The following ZNF835 variants were observed in gnomAD, a reference collection of about 807,000 sequenced individuals.
ZNF835 encodes zinc finger protein 835.
For missense variants in ZNF835, 783 were observed against 758.4 expected (o/e 1.03, Z -0.38); for synonymous variants, 323 against 324.7 (o/e 0.99, Z 0.06).
Position 56,664,134 on chromosome 19 carries a change from C to A in ZNF835, c.1065G>T (p.Thr355=). ...AGGGGTAAGGCCGCTCTCCGGTGTG[C>A]GTGCGCTGGTGCTGCGTCAGGTGCG... is the stretch of plus-strand genomic sequence containing the variant. ...QVSHLTQHQR[T]HTGERPYPCH... The change falls in exon 2 of 2, where the codon ACG becomes ACT. Residue 355 remains threonine, a synonymous_variant. Transcript: ENST00000537055. The A allele has an allele frequency of 1.2e-6, 2 of 1,610,848 alleles. No homozygotes were observed. The highest frequency in any genetic ancestry group is 2.2e-5 in the South Asian group (2 of 90,988).
chr19:56,666,777 G>A (rs1317880896), intron 1 of ZNF835, among the ~76,000 whole-genome samples: 1 of 152,182 alleles, frequency 6.6e-6, no homozygotes, highest in African/African-American at 2.4e-5. Context: ...CCTTATAAGA[G>A]GAGACACCAG....
chr19:56,663,891 G>A lies in ZNF835; in HGVS notation c.1308C>T (p.His436=), dbSNP rs763469804. Reference sequence around the variant, plus strand: ...GCCGCTCGCCCGTGTGCGTGCGCTGGTGCAGGGCGAGCGAGGAGCCCTGGC... The same window carrying A: ...GCCGCTCGCCCGTGTGCGTGCGCTGATGCAGGGCGAGCGAGGAGCCCTGGC... The part of the protein sequence containing the change: ...AFSQGSSLAL[H]QRTHTGERPY... The change falls in exon 2 of 2, where the codon CAC becomes CAT. Residue 436 remains histidine, a synonymous_variant. Coordinates refer to ENST00000537055, the MANE Select transcript of ZNF835 (RefSeq NM_001005850.3). 3.1e-6 allele frequency: 5 copies of A among 1,612,978 alleles called. No homozygotes were observed. Among genetic ancestry groups the A allele is most frequent in the South Asian group, 1.1e-5 (1 of 91,046 alleles).
At chr19:56,670,891 T>G (rs1030445384) in intron 1 of ZNF835, among the ~76,000 whole-genome samples, 4 of 152,234 alleles carry the variant, frequency 2.6e-5, no homozygotes, top group African/African-American at 9.6e-5. Flanking sequence ...AGGAGAACTT[T>G]CAGACTTGCC....
chr19:56,663,785 T>A lies in ZNF835; in HGVS notation c.1414A>T (p.Lys472Ter). ...CCGCAGCCGCTGCACTCGTAGGGCTTCTCCCCGGTGTGCACGATGTGGTGC... is the reference window on the plus strand; with the variant it reads ...CCGCAGCCGCTGCACTCGTAGGGCTACTCCCCGGTGTGCACGATGTGGTGC... ...IQHHIVHTGEKPYECSGCGKA... is the reference protein window; with the variant it reads ...IQHHIVHTGE The change falls in exon 2 of 2, where the codon AAG (lysine) becomes TAG (stop). Residue 472 changes from lysine (K) to a stop codon, truncating the protein, a stop_gained. Coordinates refer to ENST00000537055, the MANE Select transcript of ZNF835 (RefSeq NM_001005850.3). LOFTEE classifies it low-confidence loss of function (END_TRUNC). 6.2e-7 allele frequency: 1 copy of A among 1,613,876 alleles called. No individual in the cohort carries two copies. The highest frequency in any genetic ancestry group is 8.5e-7 in the Non-Finnish European group (1 of 1,179,898).
chr19:56,669,593 T>C (rs2045273665), intron 1 of ZNF835, among the ~76,000 whole-genome samples: 1 of 105,322 alleles, frequency 9.5e-6, no homozygotes, highest in Non-Finnish European at 1.9e-5. Context: ...CTATCAGGAG[T>C]CCTCCATTAG....
Position 56,663,704 on chromosome 19 carries a change from T to C in ZNF835, c.1495A>G (p.Ser499Gly). The change falls in exon 2 of 2, where the codon AGT becomes GGT. Residue 499 changes from serine (S) to glycine (G), a missense_variant. Ser to Gly is a moderately conservative substitution (Grantham distance 56). Transcript: ENST00000537055. ...GGAGCTGGGCAAAGGCGTCCCGAAC[T>C]GTCTGCATGCGTCCTCTGGTGTCGG... ...LIRHQRTHAD[S>G]SGRLCPAPTP... 6.2e-7 allele frequency: 1 copy of C among 1,614,008 alleles called. No homozygotes were observed.
Position 56,665,034 on chromosome 19 carries a change from A to G in ZNF835, c.165T>C (p.Asp55=). 6.2e-7 allele frequency: 1 copy of G among 1,614,044 alleles called. No individual in the cohort carries two copies. Among genetic ancestry groups the G allele is most frequent in the Non-Finnish European group, 8.5e-7 (1 of 1,179,900 alleles). ...DPAGDSMQER[D]EFSRIPRTIS... is the part of the protein sequence containing the mutation. ...TGGTTCTTGGGATTCGGCTGAATTCATCGCGTTCCTGCATGCTGTCCCCAG... is the reference window on the plus strand; with the variant it reads ...TGGTTCTTGGGATTCGGCTGAATTCGTCGCGTTCCTGCATGCTGTCCCCAG... Residue 55 remains aspartate (D), a synonymous_variant, in exon 2 of 2, where the codon GAT becomes GAC. Transcript: ENST00000537055.
chr19:56,665,147 A>C lies in ZNF835; in HGVS notation c.52T>G (p.Trp18Gly). 2 of 1,613,906 alleles carry C rather than the reference A, an allele frequency of 1.2e-6. No homozygotes were observed. The highest frequency in any genetic ancestry group is 1.7e-6 in the Non-Finnish European group (2 of 1,179,868). Reference sequence around the variant, plus strand: ...TCCTCAACCTGGCCCTCGTGTTTCCAGTTTCCTTCCAACTCTGCGCCCTGG... The same window carrying C: ...TCCTCAACCTGGCCCTCGTGTTTCCCGTTTCCTTCCAACTCTGCGCCCTGG... The part of the protein sequence containing the change: ...ALQGAELEGN[W>G]KHEGQVEDLQ... Residue 18 changes from tryptophan (W) to glycine (G), a missense_variant, in exon 2 of 2, where the codon TGG becomes GGG. Trp to Gly is a radical substitution (Grantham distance 184). Transcript: ENST00000537055.
In ZNF835 at chr19:56,663,411, C is replaced by T. The variant is rs1350514957; in HGVS notation, c.*174G>A. ...ATTTATAATTTTGCACCAGGAAGAC[C>T]GCAGGGGAGTCTGGCAGATGTGAGG... On this transcript the variant is annotated 3_prime_UTR_variant, in exon 2 of 2. Coordinates refer to ENST00000537055, the MANE Select transcript of ZNF835 (RefSeq NM_001005850.3). The T allele has an allele frequency of 1.1e-6, 1 of 884,346 alleles. No homozygotes were observed. Among genetic ancestry groups the T allele is most frequent in the Non-Finnish European group, 1.7e-6 (1 of 589,606 alleles). The allele number at this position is 884,346 out of a possible 1,614,324, so 54.8% of individuals were successfully genotyped here. A position where few individuals can be genotyped will look rare whatever the true frequency, so the allele number is the denominator to read the frequency against.
chr19:56,666,860 A>C (rs920604687), intron 1 of ZNF835, among the ~76,000 whole-genome samples: 1 of 152,106 alleles, frequency 6.6e-6, no homozygotes, highest in African/African-American at 2.4e-5. Context: ...GCCATCTGTA[A>C]ACCAGGAAGA....
chr19:56,664,099 C>A lies in ZNF835; in HGVS notation c.1100G>T (p.Cys367Phe), dbSNP rs1250167898. The stretch of plus-strand genomic sequence containing the variant: ...GGAGCGGTTGCTGAAGCGCTTGCCG[C>A]AGTCGTGGCAGGGGTAAGGCCGCTC... ...TGERPYPCHD[C>F]GKRFSNRSHL... The change falls in exon 2 of 2, where the codon TGC becomes TTC. Residue 367 changes from cysteine to phenylalanine, a missense_variant. Coordinates refer to ENST00000537055, the MANE Select transcript of ZNF835 (RefSeq NM_001005850.3). 1 of 1,599,868 alleles carries A rather than the reference C, an allele frequency of 6.3e-7. No homozygotes were observed. The highest frequency in any genetic ancestry group is 1.3e-5 in the African/African-American group (1 of 74,570).
intron 1 of ZNF835, among the ~76,000 whole-genome samples, chr19:56,667,810 C>T (rs1049684391): frequency 6.6e-6 from 1 of 152,128 alleles, no homozygotes; most frequent in South Asian, 2.1e-4. Context: ...AAAGAGGACC[C>T]AGAAGGCTCC....
Position 56,662,341 on chromosome 19 carries a change from C to T in ZNF835, c.*1244G>A, listed in dbSNP as rs2045192906. The T allele has an allele frequency of 1.3e-5, 2 of 152,190 alleles. No homozygotes were observed. The highest frequency in any genetic ancestry group is 2.4e-5 in the African/African-American group (1 of 41,438). 9.4% of individuals were successfully genotyped at this position (152,190 alleles called of 1,614,324 possible). On this transcript the variant is annotated 3_prime_UTR_variant, in exon 2 of 2. Transcript: ENST00000537055. ...AGAACCAGCAGCTGACCTCCAGATG[C>T]ATGAGAAATAGTAAATGGATAAATG...
chr19:56,666,593 AGCC>A (rs2045247812), intron 1 of ZNF835, among the ~76,000 whole-genome samples: 1 of 152,234 alleles, frequency 6.6e-6, no homozygotes. Context: ...TTATTGCTTC[AGCC>A]ACCTAATCTG....
Position 56,664,727 on chromosome 19 carries a change from G to T in ZNF835, c.472C>A (p.Arg158Ser). Reference sequence around the variant, plus strand: ...TAGGGCTTCTCGCCCGTGTGCGTGCGCTGGTGCAGGGTCAGGTGCACGCTC... The same window carrying T: ...TAGGGCTTCTCGCCCGTGTGCGTGCTCTGGTGCAGGGTCAGGTGCACGCTC... ...SQSVHLTLHQ[R>S]THTGEKPYAC... The change falls in exon 2 of 2, where the codon CGC (arginine) becomes AGC (serine). Residue 158 changes from arginine to serine, a missense_variant. By Grantham distance (110) the Arg-to-Ser change is moderately radical. Transcript: ENST00000537055. 6.2e-7 allele frequency: 1 copy of T among 1,611,508 alleles called. No homozygotes were observed. Among genetic ancestry groups the T allele is most frequent in the East Asian group, 2.2e-5 (1 of 44,768 alleles).
intron 1 of ZNF835, among the ~76,000 whole-genome samples, 163 bp downstream of exon 1, chr19:56,671,413 G>A (rs1019768431): frequency 1.3e-5 from 2 of 150,440 alleles, no homozygotes; most frequent in Non-Finnish European, 3.0e-5. Flanking sequence ...TGGTACCGTC[G>A]AGTGACCAGG....
chr19:56,670,866 A>C (rs891149257), intron 1 of ZNF835, among the ~76,000 whole-genome samples: 8 of 152,246 alleles, frequency 5.3e-5, no homozygotes, highest in Admixed American at 1.3e-4. Context: ...ACGTGGGGTC[A>C]CACACCTCAC....
intron 1 of ZNF835, 138 bp downstream of exon 1, chr19:56,671,438 T>A (rs1306757388): frequency 1.5e-5 from 2 of 132,330 alleles, no homozygotes; most frequent in African/African-American, 5.7e-5. Context: ...GACGCTGTGT[T>A]ACTCAGGGAC....
At chr19:56,665,485 G>T in intron 1 of ZNF835, 1 of 665,012 alleles carries the variant, frequency 1.5e-6, no homozygotes, top group Non-Finnish European at 2.8e-6. Flanking sequence ...CCCCTGAGTT[G>T]TAACAATGAA....
Sources: gnomAD v4.1 joint callset for allele counts (sites outside exome capture counted in the v4.1 genomes callset) on GRCh38, gnomAD v4.1.1 for gene constraint, MANE v1.5 for transcripts, NCBI Gene and HGNC (gene_info 2026-07-23, HGNC 2026-07-21) for gene names.